The following GTF3C6 variants were observed in gnomAD, a reference collection of about 807,000 sequenced individuals.
GTF3C6 encodes general transcription factor 3C polypeptide 6.
Under a neutral mutation model 19.2 loss-of-function variants are expected in GTF3C6, and 11 were observed. The ratio of observed to expected loss-of-function variants is 0.57; its 90% CI spans 0.36 to 0.95. The LOEUF is 0.95. GTF3C6 is among the 40% of genes least tolerant of loss of function. GTF3C6 has a pLI of 0.01. For synonymous variants in GTF3C6, 87 were observed against 84.2 expected (o/e 1.03, Z -0.18); for missense variants, 222 against 254.7 (o/e 0.87, Z 0.87).
At chr6:110,961,019 C>G (rs1057489646) in intron 4 of GTF3C6, among the ~76,000 whole-genome samples, 4 of 151,954 alleles carry the variant, frequency 2.6e-5, no homozygotes, top group Non-Finnish European at 5.9e-5. Context: ...GCACTTCAGC[C>G]TGGGCAACAG....
chr6:110,961,905 ATT>A (rs67754425), intron 4 of GTF3C6, among the ~76,000 whole-genome samples: 39 of 147,506 alleles, frequency 2.6e-4, no homozygotes, highest in Middle Eastern at 3.6e-3. Flanking sequence ...CTGTTAACGT[ATT>A]TTTTTTTTTT....
chr6:110,964,695 G>A (rs918934276), intron 5 of GTF3C6, among the ~76,000 whole-genome samples: 9 of 151,864 alleles, frequency 5.9e-5, no homozygotes, highest in East Asian at 1.9e-4. Context: ...AGGCTGGAGT[G>A]CAGTGGCGTG....
chr6:110,967,696 C>T lies in GTF3C6; in HGVS notation c.548C>T (p.Pro183Leu), dbSNP rs1156998899. Residue 183 changes from proline to leucine, a missense_variant, in exon 6 of 6, where the codon CCA becomes CTA. Transcript: ENST00000329970. ...SSNLSCEQEK[P>L]MHLEIEDSGP... ...AACCTGAGTTGTGAACAGGAGAAAC[C>T]AATGCACTTGGAAATAGAAGATTCT... 6.2e-7 allele frequency: 1 copy of T among 1,613,796 alleles called. No homozygotes were observed. Among genetic ancestry groups the T allele is most frequent in the East Asian group, 2.2e-5 (1 of 44,872 alleles).
intron 5 of GTF3C6, among the ~76,000 whole-genome samples, chr6:110,965,360 G>A (rs941534549): frequency 6.6e-5 from 10 of 151,992 alleles, no homozygotes; most frequent in African/African-American, 2.2e-4. Flanking sequence ...ACACGTTTGT[G>A]GAGTTGAAAA....
chr6:110,960,751 TAAA>T, intron 4 of GTF3C6, 135 bp downstream of exon 4: 2 of 633,510 alleles, frequency 3.2e-6, no homozygotes, highest in Non-Finnish European at 5.2e-6. Context: ...AGATTATAGT[TAAA>T]AAAAAAAAAT....
chr6:110,960,347 C>A, intron 2 of GTF3C6, 67 bp from the exon 3 acceptor site: 1 of 1,361,338 alleles, frequency 7.3e-7, no homozygotes, highest in Non-Finnish European at 1.0e-6. Flanking sequence ...TCCTTGGTAG[C>A]AAGGTTACAA....
At chr6:110,958,927 C>A in intron 1 of GTF3C6, 101 bp downstream of exon 1, 2 of 1,296,410 alleles carry the variant, frequency 1.5e-6, no homozygotes, top group South Asian at 1.4e-5. Flanking sequence ...CGGAGGGAGG[C>A]CCCACTGCTC....
At chr6:110,959,398 ATAAT>A (rs1354615809) in intron 2 of GTF3C6, 146 bp downstream of exon 2, 6 of 577,724 alleles carry the variant, frequency 1.0e-5, no homozygotes, top group Non-Finnish European at 1.8e-5. Context: ...TATACTAAGT[ATAAT>A]TAATTAATAT....
Position 110,962,434 on chromosome 6 carries a change from G to T in GTF3C6, c.290G>T (p.Cys97Phe), listed in dbSNP as rs144023077. Residue 97 changes from cysteine to phenylalanine, a missense_variant, in exon 5 of 6, where the codon TGC becomes TTC. Coordinates refer to ENST00000329970, the MANE Select transcript of GTF3C6 (RefSeq NM_138408.4). ...GNNKTVLKYKCHTMKKLSMTR... is the reference protein window; with the variant it reads ...GNNKTVLKYKFHTMKKLSMTR... Reference sequence around the variant, plus strand: ...AATAAAACAGTGCTAAAATATAAATGCCATACAATGAAGAAGCTCAGCATG... The same window carrying T: ...AATAAAACAGTGCTAAAATATAAATTCCATACAATGAAGAAGCTCAGCATG... The T allele has an allele frequency of 2.7e-5, 44 of 1,611,170 alleles. No homozygotes were observed. Among genetic ancestry groups the T allele is most frequent in the Non-Finnish European group, 2.5e-6 (3 of 1,177,474 alleles).
intron 5 of GTF3C6, 60 bp downstream of exon 5, chr6:110,962,565 T>C (rs755485649): frequency 1.1e-5 from 10 of 900,124 alleles, no homozygotes; most frequent in Non-Finnish European, 1.8e-5. Context: ...AATGATACAT[T>C]GATGCCAGGA....
At chr6:110,962,543 A>C (rs1771174280) in intron 5 of GTF3C6, 38 bp downstream of exon 5, 1 of 1,053,210 alleles carries the variant, frequency 9.5e-7, no homozygotes, top group South Asian at 1.3e-5. Flanking sequence ...GTGATCCAGT[A>C]CTGGCTTTGA....
At chr6:110,959,147 T>C (rs773954749) in intron 1 of GTF3C6, 25 bp from the exon 2 acceptor site, 3 of 1,543,816 alleles carry the variant, frequency 1.9e-6, no homozygotes, top group Admixed American at 1.7e-5. Flanking sequence ...CGTGCTAGCA[T>C]GTTAACCCCT....
chr6:110,967,314 C>G (rs1252278499), intron 5 of GTF3C6, among the ~76,000 whole-genome samples, 196 bp from the exon 6 acceptor site: 1 of 152,072 alleles, frequency 6.6e-6, no homozygotes, highest in African/African-American at 2.4e-5. Flanking sequence ...TGGTACCTAC[C>G]TAATAGGCAT....
intron 5 of GTF3C6, among the ~76,000 whole-genome samples, chr6:110,963,703 CT>C (rs5879081): frequency 2.1e-3 from 279 of 129,940 alleles, no homozygotes; most frequent in East Asian, 9.6e-3. Flanking sequence ...AAAAAGCTGG[CT>C]TTTTTTTTTT....
Position 110,960,351 on chromosome 6 carries a change from G to C in GTF3C6, c.139-63G>C, listed in dbSNP as rs991607048. On this transcript the variant is annotated intron_variant, in intron 2 of 5. Coordinates refer to ENST00000329970, the MANE Select transcript of GTF3C6 (RefSeq NM_138408.4). ...GGAGATTAGTTTCCTTGGTAGCAAG[G>C]TTACAATGTTGAAGCCTTTTTCTAA... 3 of 1,413,130 alleles carry C rather than the reference G, an allele frequency of 2.1e-6. No individual in the cohort carries two copies. In the African/African-American group the frequency reaches 4.3e-5, roughly 20 times the overall value. The allele number at this position is 1,413,130 out of a possible 1,614,324, so 87.5% of individuals were successfully genotyped here.
intron 1 of GTF3C6, 136 bp downstream of exon 1, chr6:110,958,962 G>A: frequency 9.4e-7 from 1 of 1,068,084 alleles, no homozygotes; most frequent in Non-Finnish European, 1.4e-6. Context: ...GCTCCTGGGC[G>A]CGAGGAGCCG....
intron 4 of GTF3C6, among the ~76,000 whole-genome samples, chr6:110,961,756 G>A (rs1053159787): frequency 2.6e-5 from 4 of 152,150 alleles, no homozygotes; most frequent in East Asian, 3.8e-4. Flanking sequence ...ATCCCAATAC[G>A]CTGTAGGGTA....
intron 1 of GTF3C6, 58 bp from the exon 2 acceptor site, chr6:110,959,114 A>G: frequency 2.4e-6 from 3 of 1,249,042 alleles, no homozygotes; most frequent in South Asian, 2.4e-5. Flanking sequence ...TTCTTTTGCT[A>G]ATTGCTCCCT....
chr6:110,958,812 G>A lies in GTF3C6; in HGVS notation c.43G>A (p.Asp15Asn). The change falls in exon 1 of 6, where the codon GAC (aspartate) becomes AAC (asparagine). Residue 15 changes from aspartate (D) to asparagine (N), a missense_variant. Physicochemically the swap from Asp to Asn is conservative, Grantham distance 23 (BLOSUM62 1). Transcript: ENST00000329970. Reference sequence around the variant, plus strand: ...CGAGCGGAGTCCAGAGGACGGAGAAGACGAGGAAGAGGAGGTAGTAAGCGC... The same window carrying A: ...CGAGCGGAGTCCAGAGGACGGAGAAAACGAGGAAGAGGAGGTAGTAAGCGC... ...ADERSPEDGE[D>N]EEEEEQLVLV... is the part of the protein sequence containing the mutation. 6.4e-7 allele frequency: 1 copy of A among 1,551,240 alleles called. No homozygotes were observed. Among genetic ancestry groups the A allele is most frequent in the Non-Finnish European group, 8.7e-7 (1 of 1,146,940 alleles).
Sources: allele counts gnomAD v4.1 joint callset (sites outside exome capture counted in the v4.1 genomes callset), GRCh38; gene constraint gnomAD v4.1.1; transcripts MANE v1.5; gene names NCBI Gene and HGNC (gene_info 2026-07-23, HGNC 2026-07-21).